Variants in SDK1 observed in about 807,000 individuals in gnomAD.
The protein encoded by SDK1 is sidekick cell adhesion molecule 1.
Under a neutral mutation model 245.5 loss-of-function variants are expected in SDK1, and 157 were observed. The ratio of observed to expected loss-of-function variants is 0.64; its 90% CI spans 0.56 to 0.73. The LOEUF (loss-of-function observed/expected upper bound fraction) is 0.73. Among genes scored for constraint, SDK1 ranks in the 30% least tolerant of loss-of-function variants. SDK1 has a pLI of 0.00. For missense variants in SDK1, 3,583 were observed against 3,002.3 expected, an observed-to-expected ratio of 1.19 and a Z score of -4.52; for synonymous variants, 1,647 against 1,278.5, an observed-to-expected ratio of 1.29 and a Z score of -6.15.
intron 4 of SDK1, among the ~76,000 whole-genome samples, chr7:3,796,973 T>C (rs564388941): frequency 6.6e-6 from 1 of 152,078 alleles, no homozygotes; most frequent in South Asian, 2.1e-4. Flanking sequence ...TATATTTTCT[T>C]TTTTTTTCCT....
At chr7:4,163,898 T>C (rs936262744) in intron 32 of SDK1, among the ~76,000 whole-genome samples, 2 of 152,206 alleles carry the variant, frequency 1.3e-5, no homozygotes, top group Admixed American at 1.3e-4. Context: ...TTCAACCTGA[T>C]ATCACTTGCT....
At chr7:3,782,416 C>A (rs1028896271) in intron 4 of SDK1, among the ~76,000 whole-genome samples, 1 of 152,106 alleles carries the variant, frequency 6.6e-6, no homozygotes, top group Non-Finnish European at 1.5e-5. Context: ...CACAGTTTAC[C>A]GTGAGATTGA....
At chr7:4,135,704 C>T (rs1293107441) in intron 28 of SDK1, among the ~76,000 whole-genome samples, 6 of 152,248 alleles carry the variant, frequency 3.9e-5, no homozygotes, top group African/African-American at 1.4e-4. Context: ...GAAGCACATT[C>T]GTGCCTCCCT....
chr7:4,012,294 C>T (rs1583825369), intron 16 of SDK1, 59 bp downstream of exon 16: 1 of 1,424,936 alleles, frequency 7.0e-7, no homozygotes, highest in East Asian at 2.7e-5. Flanking sequence ...GTCGATTTCA[C>T]AGAGGGTTGC....
At chr7:4,031,321 G>C (rs924772328) in intron 17 of SDK1, among the ~76,000 whole-genome samples, 3 of 152,116 alleles carry the variant, frequency 2.0e-5, no homozygotes, top group African/African-American at 7.2e-5. Context: ...AATTGAACTT[G>C]TATATTTTGC....
intron 4 of SDK1, among the ~76,000 whole-genome samples, chr7:3,658,440 CT>C (rs1376682455): frequency 6.6e-6 from 1 of 151,888 alleles, no homozygotes; most frequent in Non-Finnish European, 1.5e-5. Flanking sequence ...TCACATTCTG[CT>C]GAGTGGGATA....
At chr7:3,986,784 C>G (rs1783877233) in intron 13 of SDK1, among the ~76,000 whole-genome samples, 1 of 152,194 alleles carries the variant, frequency 6.6e-6, no homozygotes, top group African/African-American at 2.4e-5. Flanking sequence ...TGCTTGAACC[C>G]AGGAGGCGGA....
chr7:3,854,090 G>C (rs1355407882), intron 5 of SDK1, among the ~76,000 whole-genome samples: 1 of 152,092 alleles, frequency 6.6e-6, no homozygotes, highest in African/African-American at 2.4e-5. Context: ...TTAAATTTGA[G>C]AGTATGGAAT....
chr7:3,448,525 G>A (rs981836202), intron 1 of SDK1, among the ~76,000 whole-genome samples: 3 of 151,634 alleles, frequency 2.0e-5, no homozygotes, highest in Admixed American at 2.0e-4. Context: ...TCTTTGTTTA[G>A]GTTTTCCATC....
At chr7:3,521,955 G>C (rs1396245086) in intron 1 of SDK1, among the ~76,000 whole-genome samples, 7 of 152,088 alleles carry the variant, frequency 4.6e-5, no homozygotes, top group South Asian at 4.1e-4. Flanking sequence ...GCAGGACAGA[G>C]AGAAGGTGGA....
intron 1 of SDK1, among the ~76,000 whole-genome samples, chr7:3,569,851 C>T (rs190899665): frequency 5.3e-5 from 8 of 152,270 alleles, no homozygotes; most frequent in South Asian, 2.1e-4. Flanking sequence ...CTTTGTGACA[C>T]GCAGTTGGTA....
At chr7:4,133,786 C>T (rs752842364) in intron 28 of SDK1, among the ~76,000 whole-genome samples, 1 of 152,184 alleles carries the variant, frequency 6.6e-6, no homozygotes, top group Non-Finnish European at 1.5e-5. Flanking sequence ...CAGAACATTG[C>T]CCCAGCCCCA....
At chr7:3,785,488 T>A (rs1184298477) in intron 4 of SDK1, among the ~76,000 whole-genome samples, 1 of 152,202 alleles carries the variant, frequency 6.6e-6, no homozygotes, top group Non-Finnish European at 1.5e-5. Flanking sequence ...AATTTACAAT[T>A]AAAAAGTATT....
chr7:3,540,614 C>T (rs1167689909), intron 1 of SDK1, among the ~76,000 whole-genome samples: 3 of 152,168 alleles, frequency 2.0e-5, no homozygotes, highest in African/African-American at 4.8e-5. Flanking sequence ...AGTCAGAGAA[C>T]ACAGTGAATT....
intron 1 of SDK1, among the ~76,000 whole-genome samples, chr7:3,360,770 C>G (rs576008340): frequency 6.6e-6 from 1 of 152,152 alleles, no homozygotes; most frequent in South Asian, 2.1e-4. Flanking sequence ...TATTAGCAGT[C>G]CCCCCTCCCC....
In SDK1 at chr7:3,967,376, A is replaced by C; in HGVS notation, c.1488A>C (p.Thr496=). 1 of 1,614,166 alleles carries C rather than the reference A, an allele frequency of 6.2e-7. No homozygotes were observed. Among genetic ancestry groups the C allele is most frequent in the African/African-American group, 1.3e-5 (1 of 75,042 alleles). The change falls in exon 10 of 45, where the codon ACA becomes ACC. Residue 496 remains threonine (T), a synonymous_variant. Transcript: ENST00000404826. ...PVDTTVTDGM[T]AILRCEVSGA... The stretch of plus-strand genomic sequence containing the variant: ...ACACCACAGTTACTGACGGGATGAC[A>C]GCCATTCTAAGGTGTGAGGTGTCCG...
chr7:4,148,744 T>C (rs1420967898), intron 29 of SDK1, among the ~76,000 whole-genome samples: 1 of 152,198 alleles, frequency 6.6e-6, no homozygotes, highest in East Asian at 1.9e-4. Flanking sequence ...CTATGAGTAG[T>C]GCATCCGAAG....
intron 1 of SDK1, among the ~76,000 whole-genome samples, chr7:3,449,762 T>C (rs1780454373): frequency 6.6e-6 from 1 of 152,228 alleles, no homozygotes; most frequent in Non-Finnish European, 1.5e-5. Context: ...ATTTCTTCAT[T>C]CAGCCAATAT....
chr7:3,696,336 A>G (rs987083337), intron 4 of SDK1, among the ~76,000 whole-genome samples: 2 of 152,016 alleles, frequency 1.3e-5, no homozygotes, highest in African/African-American at 2.4e-5. Context: ...ATTGCACCGT[A>G]TATGTTTGCT....
Sources: allele counts gnomAD v4.1 joint callset (sites outside exome capture counted in the v4.1 genomes callset), GRCh38; gene constraint gnomAD v4.1.1; transcripts MANE v1.5; gene names NCBI Gene and HGNC (gene_info 2026-07-23, HGNC 2026-07-21).